The following TIAL1 variants were observed in gnomAD, a reference collection of about 807,000 sequenced individuals.
The protein encoded by TIAL1 is nucleolysin TIAR.
TIAL1 carries 7 observed loss-of-function variants against 59.7 expected under a neutral mutation model. The observed-to-expected ratio is 0.12, with a 90% CI of 0.07 to 0.22. The LOEUF (loss-of-function observed/expected upper bound fraction) is 0.22. Among genes scored for constraint, TIAL1 ranks in the 10% least tolerant of loss-of-function variants. The pLI, the probability that TIAL1 is intolerant of heterozygous loss-of-function variation, is 1.00. For synonymous variants in TIAL1, 149 were observed against 146.3 expected, an observed-to-expected ratio of 1.02 and a Z score of -0.13; for missense variants, 225 against 462.5, an observed-to-expected ratio of 0.49 and a Z score of 4.71.
In TIAL1 at chr10:119,575,221, G is replaced by A. The variant is rs1445459415; in HGVS notation, c.*444C>T. 6.4e-6 allele frequency: 1 copy of A among 156,260 alleles called. No homozygotes were observed. The highest frequency in any genetic ancestry group is 1.4e-5 in the Non-Finnish European group (1 of 70,472). 9.7% of individuals were successfully genotyped at this position (156,260 alleles called of 1,614,324 possible). On this transcript the variant is annotated 3_prime_UTR_variant, in exon 12 of 12. Transcript: ENST00000436547. The stretch of plus-strand genomic sequence containing the variant: ...GACTTCAAATGTGGTCCACCTCAGG[G>A]AAGGGGAGGGGAGTATCAGGATTCA...
Position 119,596,727 on chromosome 10 carries a change from C to A in TIAL1, c.-262G>T. ...CAGGGCAGAGCGCAGGCGCGACCCG[C>A]CAGGTCACCGCTCAGGCCAGCCGCG... is the stretch of plus-strand genomic sequence containing the variant. On this transcript the variant is annotated 5_prime_UTR_variant, in exon 1 of 12. Coordinates refer to ENST00000436547, the MANE Select transcript of TIAL1 (RefSeq NM_003252.4). The A allele has an allele frequency of 1.8e-6, 1 of 550,822 alleles. No individual in the cohort carries two copies. Among genetic ancestry groups the A allele is most frequent in the Non-Finnish European group, 3.2e-6 (1 of 307,826 alleles). The allele number at this position is 550,822 out of a possible 1,614,324, so 34.1% of individuals were successfully genotyped here.
rs143589330 is a variant in TIAL1 at position 119,574,960 on chromosome 10, A to G, written c.*705T>C. On this transcript the variant is annotated 3_prime_UTR_variant, in exon 12 of 12. Transcript: ENST00000436547. ...AAACACCATACTTGGATTTCCCCCC[A>G]AAATGAAATGTAAAATACTACAATT... The G allele has an allele frequency of 9.2e-5, 14 of 152,790 alleles. No individual in the cohort carries two copies. The highest frequency in any genetic ancestry group is 3.1e-4 in the African/African-American group (13 of 41,586). 9.5% of individuals were successfully genotyped at this position (152,790 alleles called of 1,614,324 possible).
intron 1 of TIAL1, chr10:119,591,995 GTA>G (rs1845906755): frequency 6.6e-6 from 1 of 152,122 alleles, no homozygotes; most frequent in South Asian, 2.1e-4. Context: ...TCATCTCTTG[GTA>G]GTTCATTGAA....
At chr10:119,581,846 T>A in intron 5 of TIAL1, 76 bp downstream of exon 5, 3 of 1,111,536 alleles carry the variant, frequency 2.7e-6, no homozygotes, top group East Asian at 2.5e-5. Context: ...AGAAAGAAAA[T>A]CTTAATTCAA....
intron 1 of TIAL1, among the ~76,000 whole-genome samples, chr10:119,593,854 G>A (rs946526197): frequency 6.6e-6 from 1 of 152,146 alleles, no homozygotes; most frequent in African/African-American, 2.4e-5. Flanking sequence ...ACATTTGAAG[G>A]TTTTAAAAAA....
chr10:119,588,941 T>C (rs969229660), intron 1 of TIAL1, among the ~76,000 whole-genome samples: 2 of 152,132 alleles, frequency 1.3e-5, no homozygotes, highest in Non-Finnish European at 2.9e-5. Flanking sequence ...CACACACACA[T>C]ACAACAAATA....
chr10:119,574,401 C>A lies in TIAL1; in HGVS notation c.*1264G>T, dbSNP rs564679648. The A allele has an allele frequency of 3.9e-5, 6 of 152,246 alleles. No homozygotes were observed. Among genetic ancestry groups the A allele is most frequent in the Admixed American group, 1.3e-4 (2 of 15,274 alleles). 9.4% of individuals were successfully genotyped at this position (152,246 alleles called of 1,614,324 possible). ...CTGAATATCCAATTATAAATTGGTA[C>A]ATTGAAGTGTCTAAATAAGATGTTT... On this transcript the variant is annotated 3_prime_UTR_variant, in exon 12 of 12. Coordinates refer to ENST00000436547, the MANE Select transcript of TIAL1 (RefSeq NM_003252.4).
chr10:119,587,894 T>C (rs1477149365), intron 2 of TIAL1, among the ~76,000 whole-genome samples: 1 of 152,180 alleles, frequency 6.6e-6, no homozygotes, highest in Non-Finnish European at 1.5e-5. Flanking sequence ...AAATGAGCTC[T>C]AATAATGTTC....
rs1164138682 is a variant in TIAL1 at position 119,575,754 on chromosome 10, C to A, written c.1039G>T (p.Ala347Ser). 1.3e-5 allele frequency: 20 copies of A among 1,594,582 alleles called. No homozygotes were observed. The highest frequency in any genetic ancestry group is 1.7e-5 in the Non-Finnish European group (20 of 1,171,882). ...GGAGCTTGTCCTTGGGGAGGCTGAG[C>A]ACCAAATCCACCCATCCAAGCAGCA... is the stretch of plus-strand genomic sequence containing the variant. ...PSAAWMGGFG[A>S]QPPQGQAPPP... The change falls in exon 12 of 12, where the codon GCT becomes TCT. Residue 347 changes from alanine to serine, a missense_variant. Ala to Ser is a moderately conservative substitution (Grantham distance 99, BLOSUM62 1). Transcript: ENST00000436547.
At chr10:119,578,692 T>C in intron 7 of TIAL1, 34 bp downstream of exon 7, 1 of 1,501,690 alleles carries the variant, frequency 6.7e-7, no homozygotes, top group South Asian at 1.1e-5. Context: ...TTGTGAAGAA[T>C]ATAATTTTAA....
intron 11 of TIAL1, among the ~76,000 whole-genome samples, chr10:119,576,202 G>GAAAAAAA (rs34336844): frequency 9.2e-6 from 1 of 109,072 alleles, no homozygotes; most frequent in Admixed American, 9.8e-5. Context: ...ATCAACAAAA[G>GAAAAAAA]AAAAAAAAAA....
Position 119,573,958 on chromosome 10 carries a change from A to G in TIAL1, c.*1707T>C, listed in dbSNP as rs1844828187. On this transcript the variant is annotated 3_prime_UTR_variant, in exon 12 of 12. Coordinates refer to ENST00000436547, the MANE Select transcript of TIAL1 (RefSeq NM_003252.4). ...AAAATTATTGTGACCACCAATTTAT[A>G]AAATCATTATTTTAAAGCTAATCGT... 1 of 152,530 alleles carries G rather than the reference A, an allele frequency of 6.6e-6. No individual in the cohort carries two copies. Among genetic ancestry groups the G allele is most frequent in the Non-Finnish European group, 1.5e-5 (1 of 68,044 alleles). 9.4% of individuals were successfully genotyped at this position (152,530 alleles called of 1,614,324 possible).
intron 1 of TIAL1, among the ~76,000 whole-genome samples, chr10:119,592,909 G>C (rs997915011): frequency 1.3e-5 from 2 of 152,104 alleles, no homozygotes; most frequent in African/African-American, 4.8e-5. Flanking sequence ...TTTTGTAATA[G>C]TTTATAGAAT....
At chr10:119,589,515 T>C (rs1845744248) in intron 1 of TIAL1, among the ~76,000 whole-genome samples, 1 of 152,150 alleles carries the variant, frequency 6.6e-6, no homozygotes, top group Non-Finnish European at 1.5e-5. Context: ...CAACAAAATA[T>C]ATCTTAATGT....
rs938756611 is a variant in TIAL1 at position 119,573,745 on chromosome 10, C to T, written c.*1920G>A. On this transcript the variant is annotated 3_prime_UTR_variant, in exon 12 of 12. Coordinates refer to ENST00000436547, the MANE Select transcript of TIAL1 (RefSeq NM_003252.4). ...TAAATTAACTTTTCCAAAAACATTC[C>T]TCAAAGATACTATAAACAAAAGAAA... The T allele has an allele frequency of 1.3e-5, 2 of 152,180 alleles. No homozygotes were observed. Among genetic ancestry groups the T allele is most frequent in the Non-Finnish European group, 2.9e-5 (2 of 68,006 alleles). 9.4% of individuals were successfully genotyped at this position (152,180 alleles called of 1,614,324 possible).
At chr10:119,591,249 CA>C (rs1394449780) in intron 1 of TIAL1, among the ~76,000 whole-genome samples, 2 of 151,716 alleles carry the variant, frequency 1.3e-5, no homozygotes, top group African/African-American at 4.8e-5. Flanking sequence ...ACTAAAAACA[CA>C]AAAAATTAGC....
At chr10:119,592,898 A>G (rs1036861696) in intron 1 of TIAL1, among the ~76,000 whole-genome samples, 2 of 152,168 alleles carry the variant, frequency 1.3e-5, no homozygotes, top group African/African-American at 4.8e-5. Context: ...TAGCCAGTCA[A>G]TTTTGTAATA....
intron 1 of TIAL1, chr10:119,592,044 A>G (rs1845908685): frequency 6.6e-6 from 1 of 152,204 alleles, no homozygotes; most frequent in African/African-American, 2.4e-5. Flanking sequence ...TAGCTTCTAC[A>G]CTTCACTTTC....
At chr10:119,581,850 A>C in intron 5 of TIAL1, 72 bp downstream of exon 5, 1 of 1,128,700 alleles carries the variant, frequency 8.9e-7, no homozygotes, top group South Asian at 1.4e-5. Flanking sequence ...AGAAAATCTT[A>C]ATTCAATTAC....
Sources: gnomAD v4.1 joint callset for allele counts (sites outside exome capture counted in the v4.1 genomes callset) on GRCh38, gnomAD v4.1.1 for gene constraint, MANE v1.5 for transcripts, NCBI Gene and HGNC (gene_info 2026-07-23, HGNC 2026-07-21) for gene names.